SGTB: variants seen among roughly 807,000 people sequenced by gnomAD.
SGTB encodes the protein small glutamine-rich tetratricopeptide repeat-containing protein beta.
SGTB carries 19 observed loss-of-function variants against 43.9 expected under a neutral mutation model. That is an observed-to-expected ratio of 0.43 (90% confidence interval 0.30 to 0.63). The LOEUF (loss-of-function observed/expected upper bound fraction) is 0.63, where lower values mean the gene tolerates loss of function less well. Among genes scored for constraint, SGTB ranks in the 30% least tolerant of loss-of-function variants. The probability of loss-of-function intolerance (pLI) is 0.12; values close to 1 mark genes in which losing one functional copy is unlikely to be tolerated. For missense variants in SGTB, 304 were observed against 358.9 expected, an observed-to-expected ratio of 0.85 and a Z score of 1.24; for synonymous variants, 116 against 117.3, an observed-to-expected ratio of 0.99 and a Z score of 0.07.
chr5:65,692,142 C>A (rs898679356), intron 5 of SGTB, among the ~76,000 whole-genome samples: 1 of 151,252 alleles, frequency 6.6e-6, no homozygotes, highest in Non-Finnish European at 1.5e-5. Flanking sequence ...GGGAGAAAGC[C>A]GAAAAAGGAA....
intron 5 of SGTB, among the ~76,000 whole-genome samples, chr5:65,689,366 T>C (rs906500268): frequency 1.3e-5 from 2 of 152,180 alleles, no homozygotes; most frequent in Non-Finnish European, 2.9e-5. Context: ...ACTTGCTATA[T>C]CACATCTACC....
At position 65,680,510 on chromosome 5, in the gene SGTB, G is replaced by T; in HGVS notation, c.665C>A (p.Pro222Gln). 6.2e-7 allele frequency: 1 copy of T among 1,613,970 alleles called. No homozygotes were observed. Among genetic ancestry groups the T allele is most frequent in the Non-Finnish European group, 8.5e-7 (1 of 1,179,976 alleles). ...SFDMASLINNPAFISMAASLM... is the reference protein window; with the variant it reads ...SFDMASLINNQAFISMAASLM... Reference sequence around the variant, plus strand: ...TATACTCACCATACTAATGAAGGCTGGATTATTTATCAAGCTAGCCATGTC... The same window carrying T: ...TATACTCACCATACTAATGAAGGCTTGATTATTTATCAAGCTAGCCATGTC... Residue 222 changes from proline (P) to glutamine (Q), a missense_variant, in exon 8 of 11, where the codon CCA becomes CAA. By Grantham distance (76) the Pro-to-Gln change is moderately conservative. Transcript: ENST00000381007.
intron 8 of SGTB, 107 bp from the exon 9 acceptor site, chr5:65,672,388 A>G: frequency 7.4e-7 from 1 of 1,354,852 alleles, no homozygotes; most frequent in Non-Finnish European, 1.0e-6. Context: ...ATGCACTAAC[A>G]TTTTGTAGAG....
chr5:65,700,468 A>T (rs934675007), intron 5 of SGTB, among the ~76,000 whole-genome samples: 12 of 151,694 alleles, frequency 7.9e-5, no homozygotes, highest in African/African-American at 2.4e-5. Context: ...GGAGATCGAG[A>T]CCATCCTGGC....
chr5:65,680,186 G>C (rs1330778793), intron 8 of SGTB, among the ~76,000 whole-genome samples: 2 of 152,226 alleles, frequency 1.3e-5, no homozygotes, highest in African/African-American at 4.8e-5. Flanking sequence ...CAGAGGATGG[G>C]AGGAGAGGAA....
intron 5 of SGTB, among the ~76,000 whole-genome samples, chr5:65,699,206 A>G (rs1757767255): frequency 6.6e-6 from 1 of 152,220 alleles, no homozygotes; most frequent in East Asian, 1.9e-4. Context: ...ACTCAGCCAC[A>G]AAAAAGAACA....
At chr5:65,701,432 G>A (rs1456033348) in intron 5 of SGTB, among the ~76,000 whole-genome samples, 1 of 151,994 alleles carries the variant, frequency 6.6e-6, no homozygotes, top group African/African-American at 2.4e-5. Context: ...TCTGTAAATG[G>A]GGAGAGCTTT....
intron 5 of SGTB, among the ~76,000 whole-genome samples, chr5:65,695,183 G>A (rs377152310): frequency 2.6e-5 from 4 of 152,166 alleles, no homozygotes; most frequent in African/African-American, 7.2e-5. Context: ...GACTAAGGGA[G>A]TAGGAAATAA....
rs749546584 is a variant in SGTB, at chr5:65,712,923, T to A, written c.204+38A>T. 18 of 1,492,660 alleles carry A rather than the reference T, an allele frequency of 1.2e-5. No individual in the cohort carries two copies. The South Asian group carries it at 2.0e-4, about 16-fold the overall frequency. 92.5% of individuals were successfully genotyped at this position (1,492,660 alleles called of 1,614,324 possible). ...ACAATCTATTAACATAAAATTGTAG[T>A]CATATCAGTTAATAATGAGAAAATA... On this transcript the variant is annotated intron_variant, in intron 3 of 10. Coordinates refer to ENST00000381007, the MANE Select transcript of SGTB (RefSeq NM_019072.3).
At chr5:65,680,899 A>G (rs1757384052) in intron 6 of SGTB, 105 bp from the exon 7 acceptor site, 1 of 1,223,748 alleles carries the variant, frequency 8.2e-7, no homozygotes. Context: ...GTTCTAATCC[A>G]GATTACACTT....
At chr5:65,696,261 GCT>G (rs1252928829) in intron 5 of SGTB, among the ~76,000 whole-genome samples, 1 of 151,910 alleles carries the variant, frequency 6.6e-6, no homozygotes, top group Non-Finnish European at 1.5e-5. Context: ...CCTGCATCAT[GCT>G]CTCTCTCTCT....
At chr5:65,684,754 T>C (rs1161253109) in intron 6 of SGTB, among the ~76,000 whole-genome samples, 1 of 152,096 alleles carries the variant, frequency 6.6e-6, no homozygotes, top group Non-Finnish European at 1.5e-5. Context: ...GGTTTCACCA[T>C]GTTGGGCAGG....
Position 65,688,364 on chromosome 5 carries a change from C to T in SGTB, c.375-2892G>A, listed in dbSNP as rs553684176. Among the ~76,000 whole-genome samples, 71 of 152,240 alleles carry T rather than the reference C, an allele frequency of 4.7e-4. No individual in the cohort carries two copies. The South Asian group carries it at 0.013, about 28-fold the overall frequency. ...ACATCTGATTCTGGAAATCTGATAA[C>T]GGTGATTTTGTAGAACAGCAAATGC... On this transcript the variant is annotated intron_variant, in intron 5 of 10. Transcript: ENST00000381007.
At chr5:65,688,633 G>C (rs1336631437) in intron 5 of SGTB, among the ~76,000 whole-genome samples, 3 of 152,150 alleles carry the variant, frequency 2.0e-5, no homozygotes, top group Non-Finnish European at 4.4e-5. Context: ...TATCTGCTTT[G>C]TGATTTTTAA....
chr5:65,717,924 G>C (rs1293026351), intron 2 of SGTB, among the ~76,000 whole-genome samples: 1 of 152,078 alleles, frequency 6.6e-6, no homozygotes. Context: ...TGCAAGAAAG[G>C]GAAGGAGATA....
At chr5:65,679,644 C>CA (rs888631078) in intron 8 of SGTB, among the ~76,000 whole-genome samples, 87 of 151,326 alleles carry the variant, frequency 5.7e-4, no homozygotes, top group African/African-American at 1.5e-3. Flanking sequence ...ACAACAACAA[C>CA]AAAAAAAACA....
At chr5:65,695,281 A>G (rs1757696821) in intron 5 of SGTB, among the ~76,000 whole-genome samples, 1 of 152,212 alleles carries the variant, frequency 6.6e-6, no homozygotes, top group Admixed American at 6.5e-5. Context: ...ATAAGAAATA[A>G]GCAGGGAGGA....
chr5:65,695,823 G>A (rs193072938), intron 5 of SGTB, among the ~76,000 whole-genome samples: 2 of 152,294 alleles, frequency 1.3e-5, no homozygotes, highest in South Asian at 2.1e-4. Context: ...ACTATGCTGG[G>A]GACTTTGTAC....
Position 65,720,839 on chromosome 5 carries a change from A to T in SGTB, c.-22-10T>A. On this transcript the variant is annotated splice_polypyrimidine_tract_variant and intron_variant, in intron 1 of 10. Coordinates refer to ENST00000381007, the MANE Select transcript of SGTB (RefSeq NM_019072.3). Reference sequence around the variant, plus strand: ...AGCTTAAACACTTTTCCTTGATAAGAAAAATGAAAACACTGAACTAAGTTA... The same window carrying T: ...AGCTTAAACACTTTTCCTTGATAAGTAAAATGAAAACACTGAACTAAGTTA... 1 of 1,599,588 alleles carries T rather than the reference A, an allele frequency of 6.3e-7. No individual in the cohort carries two copies. Among genetic ancestry groups the T allele is most frequent in the Non-Finnish European group, 8.5e-7 (1 of 1,176,270 alleles).
Sources: allele counts gnomAD v4.1 joint callset (sites outside exome capture counted in the v4.1 genomes callset), GRCh38; gene constraint gnomAD v4.1.1; transcripts MANE v1.5; gene names NCBI Gene and HGNC (gene_info 2026-07-23, HGNC 2026-07-21).